Variants in DNAJC13 observed in about 807,000 individuals in gnomAD.
DNAJC13 encodes the protein dnaJ homolog subfamily C member 13.
DNAJC13 carries 75 observed loss-of-function variants against 290.5 expected under a neutral mutation model. The ratio of observed to expected loss-of-function variants is 0.26; its 90% CI spans 0.21 to 0.31. DNAJC13 has a LOEUF of 0.31. DNAJC13 is among the 10% of genes least tolerant of loss of function. The pLI is 1.00. For missense variants in DNAJC13, 2,260 were observed against 2,674.5 expected, an observed-to-expected ratio of 0.85 and a Z score of 3.42; for synonymous variants, 862 against 892.0, an observed-to-expected ratio of 0.97 and a Z score of 0.60.
At chr3:132,477,930 C>G in intron 23 of DNAJC13, 38 bp downstream of exon 23, 4 of 1,601,420 alleles carry the variant, frequency 2.5e-6, no homozygotes, top group Non-Finnish European at 3.4e-6. Flanking sequence ...TTTGTTTTCA[C>G]TGTTGGTTTC....
At chr3:132,454,196 G>A (rs766259792) in intron 9 of DNAJC13, 39 bp downstream of exon 9, 6 of 1,421,366 alleles carry the variant, frequency 4.2e-6, no homozygotes, top group South Asian at 1.3e-5. Context: ...TCCTAGTTGT[G>A]CAAGGCAAAG....
intron 2 of DNAJC13, among the ~76,000 whole-genome samples, chr3:132,438,858 T>C (rs1185113024): frequency 6.6e-6 from 1 of 152,228 alleles, no homozygotes; most frequent in Non-Finnish European, 1.5e-5. Flanking sequence ...AATTATATGT[T>C]TATTCTGGGA....
rs1939317926 is a variant in DNAJC13, at chr3:132,434,253, G to T, written c.-13-285G>T. 2.0e-5 allele frequency among the ~76,000 whole-genome samples: 3 copies of T among 151,388 alleles called. No individual in the cohort carries two copies. In the South Asian group the frequency reaches 6.3e-4, roughly 32 times the overall value. ...ACAAAAAAATTAGCCGGGCGTGGTGGCAGGAACCTGTAGTCCCAGCTACTT... is the reference window on the plus strand; with the variant it reads ...ACAAAAAAATTAGCCGGGCGTGGTGTCAGGAACCTGTAGTCCCAGCTACTT... On this transcript the variant is annotated intron_variant, in intron 1 of 55. Coordinates refer to ENST00000260818, the MANE Select transcript of DNAJC13 (RefSeq NM_015268.4).
At chr3:132,491,923 A>T (rs1397089267) in intron 32 of DNAJC13, among the ~76,000 whole-genome samples, 2 of 152,300 alleles carry the variant, frequency 1.3e-5, no homozygotes, top group East Asian at 3.9e-4. Flanking sequence ...TTAGCAACAC[A>T]GTTCTTCTGT....
chr3:132,422,012 A>G (rs1576450503), intron 1 of DNAJC13, among the ~76,000 whole-genome samples: 1 of 151,074 alleles, frequency 6.6e-6, no homozygotes, highest in East Asian at 1.9e-4. Flanking sequence ...AAGCATTTGG[A>G]CTTCTGGACT....
At chr3:132,471,939 A>C (rs1348445025) in intron 20 of DNAJC13, among the ~76,000 whole-genome samples, 3 of 144,388 alleles carry the variant, frequency 2.1e-5, no homozygotes, top group African/African-American at 2.5e-5. Context: ...ACGCCACTGC[A>C]CTCCAGCCTG....
intron 54 of DNAJC13, among the ~76,000 whole-genome samples, chr3:132,529,567 C>T (rs1348081677): frequency 6.6e-6 from 1 of 152,138 alleles, no homozygotes; most frequent in African/African-American, 2.4e-5. Flanking sequence ...GCGGGTGGAT[C>T]ACGAGGTCAG....
chr3:132,477,350 A>T (rs1011431305), intron 22 of DNAJC13, among the ~76,000 whole-genome samples: 5 of 152,180 alleles, frequency 3.3e-5, no homozygotes, highest in African/African-American at 1.2e-4. Context: ...GGGTGATTTG[A>T]CATAGAAGGA....
intron 9 of DNAJC13, 132 bp downstream of exon 9, chr3:132,454,289 A>G (rs1933515678): frequency 9.4e-6 from 5 of 530,788 alleles, no homozygotes; most frequent in Middle Eastern, 4.5e-4. Flanking sequence ...TTTCTTGCAT[A>G]TTTAAAATGA....
chr3:132,456,160 C>T, intron 9 of DNAJC13, 75 bp from the exon 10 acceptor site: 2 of 1,390,772 alleles, frequency 1.4e-6, no homozygotes, highest in Non-Finnish European at 2.0e-6. Flanking sequence ...GCTAAAGGGC[C>T]TATGCTTCAT....
chr3:132,477,138 A>C (rs978147117), intron 22 of DNAJC13, among the ~76,000 whole-genome samples: 1 of 152,270 alleles, frequency 6.6e-6, no homozygotes, highest in African/African-American at 2.4e-5. Flanking sequence ...AAATGAAGAT[A>C]TATATTTGGT....
At chr3:132,526,987 T>G (rs1936278976) in intron 53 of DNAJC13, among the ~76,000 whole-genome samples, 1 of 152,200 alleles carries the variant, frequency 6.6e-6, no homozygotes, top group Non-Finnish European at 1.5e-5. Context: ...GGTCAAAAAG[T>G]ACAGTTTCTG....
At chr3:132,521,576 T>C (rs182802598) in intron 48 of DNAJC13, among the ~76,000 whole-genome samples, 3 of 152,344 alleles carry the variant, frequency 2.0e-5, no homozygotes, top group Admixed American at 2.0e-4. Flanking sequence ...TAGGTGCTTC[T>C]TTGACATGTA....
At chr3:132,491,994 A>G (rs1026029022) in intron 32 of DNAJC13, among the ~76,000 whole-genome samples, 1 of 152,174 alleles carries the variant, frequency 6.6e-6, no homozygotes, top group African/African-American at 2.4e-5. Context: ...GAATTGCTCT[A>G]TGTGCTGATA....
chr3:132,461,314 G>C, intron 15 of DNAJC13, 109 bp downstream of exon 15: 1 of 1,235,142 alleles, frequency 8.1e-7, no homozygotes, highest in Non-Finnish European at 1.2e-6. Context: ...GAGGTGTCCA[G>C]TCGTTTGGCT....
rs768653537 is a variant in DNAJC13, at chr3:132,528,176, ATAT to A, written c.6382-11_6382-9del. The A allele has an allele frequency of 2.9e-5, 47 of 1,613,354 alleles. No homozygotes were observed. The highest frequency in any genetic ancestry group is 6.8e-6 in the Non-Finnish European group (8 of 1,179,708). On this transcript the variant is annotated splice_polypyrimidine_tract_variant and intron_variant, in intron 53 of 55. Transcript: ENST00000260818. Reference sequence around the variant, plus strand: ...TTTTCTGTGTGTTTATATATGCTTAATATTTCTTCTAGGCCCTGAAAGCAGATT... The same window carrying A: ...TTTTCTGTGTGTTTATATATGCTTAATTCTTCTAGGCCCTGAAAGCAGATT...
chr3:132,461,293 C>T, intron 15 of DNAJC13, 88 bp downstream of exon 15: 1 of 1,427,012 alleles, frequency 7.0e-7, no homozygotes, highest in Non-Finnish European at 9.8e-7. Flanking sequence ...CATTTGCATA[C>T]TTCTATAGCA....
At chr3:132,490,589 T>TG (rs1935031451) in intron 31 of DNAJC13, among the ~76,000 whole-genome samples, 2 of 152,218 alleles carry the variant, frequency 1.3e-5, no homozygotes, top group African/African-American at 4.8e-5. Context: ...CTGTTATCCA[T>TG]TACTGTTACA....
At chr3:132,456,877 T>C (rs1265203181) in intron 12 of DNAJC13, 45 bp downstream of exon 12, 1 of 1,586,606 alleles carries the variant, frequency 6.3e-7, no homozygotes, top group Non-Finnish European at 8.6e-7. Flanking sequence ...GAATTTGAAC[T>C]ACTCAAAATG....
Sources: allele counts gnomAD v4.1 joint callset (sites outside exome capture counted in the v4.1 genomes callset), GRCh38; gene constraint gnomAD v4.1.1; transcripts MANE v1.5; gene names NCBI Gene and HGNC (gene_info 2026-07-23, HGNC 2026-07-21).